TAOK3: variants seen among roughly 807,000 people sequenced by gnomAD.
TAOK3 encodes serine/threonine-protein kinase TAO3.
Under a neutral mutation model 120.4 loss-of-function variants are expected in TAOK3, and 40 were observed. That is an observed-to-expected ratio of 0.33 (90% CI 0.26 to 0.43). The LOEUF (loss-of-function observed/expected upper bound fraction) is 0.43, where lower values mean the gene tolerates loss of function less well. Among genes scored for constraint, TAOK3 ranks in the 20% least tolerant of loss-of-function variants. The pLI, the probability that TAOK3 is intolerant of heterozygous loss-of-function variation, is 1.00. For synonymous variants in TAOK3, 355 were observed against 387.5 expected (o/e 0.92, Z 0.99); for missense variants, 821 against 1,112.1 (o/e 0.74, Z 3.72).
At chr12:118,170,678 G>A (rs2035945702) in intron 17 of TAOK3, among the ~76,000 whole-genome samples, 2 of 152,088 alleles carry the variant, frequency 1.3e-5, no homozygotes, top group South Asian at 2.1e-4. Context: ...TGGGAGGATC[G>A]CTTGAACCTA....
chr12:118,192,697 T>A (rs1821857045), intron 13 of TAOK3, among the ~76,000 whole-genome samples: 1 of 152,266 alleles, frequency 6.6e-6, no homozygotes, highest in African/African-American at 2.4e-5. Context: ...TATTTTCTGT[T>A]GGTTATACTG....
intron 13 of TAOK3, among the ~76,000 whole-genome samples, chr12:118,192,436 C>T (rs78956199): frequency 0.019 from 2,887 of 152,196 alleles, 96 homozygotes; most frequent in African/African-American, 0.066. Flanking sequence ...TTTTCCAGAT[C>T]ATTTTCATAA....
At chr12:118,353,559 G>A (rs535017384) in intron 1 of TAOK3, among the ~76,000 whole-genome samples, 1 of 152,104 alleles carries the variant, frequency 6.6e-6, no homozygotes, top group Non-Finnish European at 1.5e-5. Context: ...TGAAAAGGGA[G>A]TGACATGCTA....
rs1451537712 is a variant in TAOK3, at chr12:118,150,806, CG to C, written c.*190del. On this transcript the variant is annotated 3_prime_UTR_variant, in exon 21 of 21. Transcript: ENST00000392533. ...TTTTGGCCAGCACTGAAAGTTGACA[CG>C]GGGGGAGGAAGGGGGCCCCTGATGG... is the stretch of plus-strand genomic sequence containing the variant. The C allele has an allele frequency of 3.3e-5, 20 of 599,032 alleles. No homozygotes were observed. In the East Asian group the frequency reaches 3.4e-4, roughly 10 times the overall value. The allele number at this position is 599,032 out of a possible 1,614,324, so 37.1% of individuals were successfully genotyped here.
intron 1 of TAOK3, among the ~76,000 whole-genome samples, chr12:118,313,188 C>T (rs7309671): frequency 0.1 from 15,559 of 152,198 alleles, 996 homozygotes; most frequent in Middle Eastern, 0.15. Flanking sequence ...TCAGGCAAGA[C>T]ATTACAGAAG....
intron 9 of TAOK3, among the ~76,000 whole-genome samples, chr12:118,227,168 C>T (rs370578284): frequency 1.3e-4 from 19 of 150,994 alleles, no homozygotes; most frequent in East Asian, 1.2e-3. Flanking sequence ...TTTAAAAGAT[C>T]GTAACTGAGG....
chr12:118,230,791 T>C (rs569199582), intron 9 of TAOK3, among the ~76,000 whole-genome samples: 2 of 152,240 alleles, frequency 1.3e-5, no homozygotes, highest in East Asian at 3.9e-4. Flanking sequence ...TTTTACGTAG[T>C]ATTGTGGGAA....
At chr12:118,174,028 G>T (rs1470039622) in intron 16 of TAOK3, among the ~76,000 whole-genome samples, 2 of 152,158 alleles carry the variant, frequency 1.3e-5, no homozygotes, top group Non-Finnish European at 2.9e-5. Context: ...GATCACAAGA[G>T]GAAGCCTGGG....
chr12:118,213,136 G>T, intron 10 of TAOK3, 141 bp from the exon 11 acceptor site: 1 of 476,334 alleles, frequency 2.1e-6, no homozygotes, highest in Non-Finnish European at 3.7e-6. Flanking sequence ...GATAACTGGA[G>T]CATTTTCAAG....
At chr12:118,296,607 C>T (rs981883165) in intron 1 of TAOK3, among the ~76,000 whole-genome samples, 1 of 152,114 alleles carries the variant, frequency 6.6e-6, no homozygotes, top group African/African-American at 2.4e-5. Context: ...ACCTCTGTAC[C>T]TCATTTTATT....
chr12:118,311,376 G>A (rs965631817), intron 1 of TAOK3, among the ~76,000 whole-genome samples: 3 of 152,122 alleles, frequency 2.0e-5, no homozygotes, highest in Non-Finnish European at 2.9e-5. Flanking sequence ...CAGGAGAATC[G>A]CTTGAACTTG....
At chr12:118,222,165 A>T (rs1175597791) in intron 9 of TAOK3, among the ~76,000 whole-genome samples, 1 of 152,132 alleles carries the variant, frequency 6.6e-6, no homozygotes, top group African/African-American at 2.4e-5. Flanking sequence ...GCCTACATGT[A>T]TGTTTATCAC....
intron 1 of TAOK3, among the ~76,000 whole-genome samples, chr12:118,357,138 G>C (rs1282600077): frequency 6.6e-6 from 1 of 152,176 alleles, no homozygotes; most frequent in African/African-American, 2.4e-5. Flanking sequence ...CCCTCCTTAT[G>C]CATCTGGGCA....
intron 3 of TAOK3, among the ~76,000 whole-genome samples, chr12:118,249,140 G>C (rs1394877879): frequency 6.6e-6 from 1 of 152,124 alleles, no homozygotes; most frequent in Admixed American, 6.5e-5. Flanking sequence ...AATGGTCTCA[G>C]TAACTATTAC....
intron 1 of TAOK3, among the ~76,000 whole-genome samples, chr12:118,312,053 A>T (rs1197968016): frequency 6.6e-6 from 1 of 152,232 alleles, no homozygotes; most frequent in Admixed American, 6.5e-5. Context: ...CCTTGAATAA[A>T]GTTTTTAAAA....
Position 118,177,237 on chromosome 12 carries a change from C to T in TAOK3, c.1659G>A (p.Lys553=). Residue 553 remains lysine, a synonymous_variant, in exon 16 of 21, where the codon AAG becomes AAA. Coordinates refer to ENST00000392533, the MANE Select transcript of TAOK3 (RefSeq NM_016281.4). ...TTTCCTTACAAATCTTATACTGCTT[C>T]TTCTGACTTTCTAAGAAAGTTGTCA... The part of the protein sequence containing the change: ...KDLTTFLESQ[K]KQYKICKEKI... The T allele has an allele frequency of 6.2e-7, 1 of 1,613,790 alleles. No individual in the cohort carries two copies.
chr12:118,217,871 T>G (rs1232409264), intron 9 of TAOK3, among the ~76,000 whole-genome samples: 1 of 120,924 alleles, frequency 8.3e-6, no homozygotes, highest in East Asian at 2.6e-4. Context: ...ACACTTTTTT[T>G]TTTTTTTTGA....
chr12:118,153,763 A>G (rs2034616303), intron 19 of TAOK3, among the ~76,000 whole-genome samples: 1 of 152,198 alleles, frequency 6.6e-6, no homozygotes, highest in Non-Finnish European at 1.5e-5. Flanking sequence ...TCTCCACCTT[A>G]TGTACAATTT....
At chr12:118,200,221 T>G (rs2037952576) in intron 12 of TAOK3, 1 of 152,186 alleles carries the variant, frequency 6.6e-6, no homozygotes, top group Admixed American at 6.5e-5. Flanking sequence ...ATTTTTAAAA[T>G]TATTGATAAA....
Sources: allele counts gnomAD v4.1 joint callset (sites outside exome capture counted in the v4.1 genomes callset), GRCh38; gene constraint gnomAD v4.1.1; transcripts MANE v1.5; gene names NCBI Gene and HGNC (gene_info 2026-07-23, HGNC 2026-07-21).